PLCXD3: variants seen among roughly 807,000 people sequenced by gnomAD.
PLCXD3 encodes phosphatidylinositol specific phospholipase C X domain containing 3.
A neutral mutation model predicts 25.5 loss-of-function variants in PLCXD3; 19 were observed. The observed-to-expected ratio is 0.75, with a 90% CI of 0.52 to 1.09. The LOEUF (loss-of-function observed/expected upper bound fraction) is 1.09. Among genes scored for constraint, PLCXD3 ranks in the 50% least tolerant of loss-of-function variants. The pLI is 0.00. For synonymous variants in PLCXD3, 174 were observed against 137.6 expected (o/e 1.26, Z -1.85); for missense variants, 411 against 388.1 (o/e 1.06, Z -0.50).
At chr5:41,505,969 T>A (rs1749044994) in intron 1 of PLCXD3, among the ~76,000 whole-genome samples, 1 of 152,248 alleles carries the variant, frequency 6.6e-6, no homozygotes, top group South Asian at 2.1e-4. Flanking sequence ...GCCTCTGACA[T>A]TTACATAAAA....
At chr5:41,457,943 A>G (rs553831179) in intron 1 of PLCXD3, among the ~76,000 whole-genome samples, 4 of 152,042 alleles carry the variant, frequency 2.6e-5, no homozygotes, top group Admixed American at 6.6e-5. Flanking sequence ...GCTGCGTGTT[A>G]CTGGATGTGA....
chr5:41,329,805 T>C (rs1241938363), intron 2 of PLCXD3, among the ~76,000 whole-genome samples: 1 of 148,276 alleles, frequency 6.7e-6, no homozygotes, highest in East Asian at 2.0e-4. Flanking sequence ...TTTAATCTAT[T>C]TTATTATATA....
intron 1 of PLCXD3, among the ~76,000 whole-genome samples, chr5:41,415,160 A>G (rs1245788392): frequency 6.6e-6 from 1 of 152,248 alleles, no homozygotes; most frequent in African/African-American, 2.4e-5. Flanking sequence ...CCAAAGACAT[A>G]GATTATTTTT....
chr5:41,394,413 C>G (rs1001561981), intron 1 of PLCXD3, among the ~76,000 whole-genome samples: 2 of 151,922 alleles, frequency 1.3e-5, no homozygotes, highest in African/African-American at 2.4e-5. Context: ...TAAAGAAGAC[C>G]ATAAAACAAT....
chr5:41,427,554 C>T (rs1336028335), intron 1 of PLCXD3, among the ~76,000 whole-genome samples: 1 of 152,136 alleles, frequency 6.6e-6, no homozygotes, highest in African/African-American at 2.4e-5. Flanking sequence ...GATGTTTTAT[C>T]TATTAATTCA....
chr5:41,330,292 C>A (rs1743757017), intron 2 of PLCXD3, among the ~76,000 whole-genome samples: 1 of 152,126 alleles, frequency 6.6e-6, no homozygotes, highest in African/African-American at 2.4e-5. Flanking sequence ...GAAATACAAA[C>A]TACCATCAGA....
At chr5:41,405,455 T>C (rs1401194595) in intron 1 of PLCXD3, among the ~76,000 whole-genome samples, 1 of 152,166 alleles carries the variant, frequency 6.6e-6, no homozygotes, top group East Asian at 1.9e-4. Context: ...TAATTATTGT[T>C]GGATGTTATT....
chr5:41,391,040 T>C (rs895278048), intron 1 of PLCXD3, among the ~76,000 whole-genome samples: 4 of 152,148 alleles, frequency 2.6e-5, no homozygotes, highest in Non-Finnish European at 5.9e-5. Flanking sequence ...AGAGGGAGAA[T>C]TGCAGATCCC....
At chr5:41,422,363 T>G (rs1398538867) in intron 1 of PLCXD3, among the ~76,000 whole-genome samples, 3 of 152,210 alleles carry the variant, frequency 2.0e-5, no homozygotes, top group Non-Finnish European at 4.4e-5. Flanking sequence ...GGGTTTAATC[T>G]TACCTTTGAC....
In PLCXD3 at chr5:41,410,201, G is replaced by T. The variant is rs1047324491; in HGVS notation, c.104-27667C>A. Among the ~76,000 whole-genome samples, 5 of 147,516 alleles carry T rather than the reference G, an allele frequency of 3.4e-5. No individual in the cohort carries two copies. The East Asian group carries it at 9.9e-4, about 29-fold the overall frequency. ...GTTGCCCAGGCTGGAGTACAGTGGCGTGATCTCGGCTCACTGCAGCCTCCG... is the reference window on the plus strand; with the variant it reads ...GTTGCCCAGGCTGGAGTACAGTGGCTTGATCTCGGCTCACTGCAGCCTCCG... On this transcript the variant is annotated intron_variant, in intron 1 of 2. Coordinates refer to ENST00000377801, the MANE Select transcript of PLCXD3 (RefSeq NM_001005473.3).
chr5:41,315,150 A>G (rs1561228829), intron 2 of PLCXD3, among the ~76,000 whole-genome samples: 2 of 152,202 alleles, frequency 1.3e-5, no homozygotes, highest in Admixed American at 6.5e-5. Flanking sequence ...GATGTCCAGC[A>G]TCTTCTGACA....
chr5:41,376,113 C>T (rs1394024717), intron 2 of PLCXD3, among the ~76,000 whole-genome samples: 1 of 152,078 alleles, frequency 6.6e-6, no homozygotes, highest in Non-Finnish European at 1.5e-5. Context: ...ACAACCACAT[C>T]CTGAAAATTC....
At chr5:41,450,542 AG>A (rs1197381069) in intron 1 of PLCXD3, among the ~76,000 whole-genome samples, 1 of 152,126 alleles carries the variant, frequency 6.6e-6, no homozygotes. Flanking sequence ...CAATGCTGAT[AG>A]AAGCAGCTTG....
intron 1 of PLCXD3, among the ~76,000 whole-genome samples, chr5:41,453,318 G>C (rs318077): frequency 6.6e-6 from 1 of 151,262 alleles, no homozygotes; most frequent in African/African-American, 2.4e-5. Context: ...ACTATTGGCT[G>C]TATGTTTTGC....
chr5:41,465,540 G>C (rs1211263188), intron 1 of PLCXD3, among the ~76,000 whole-genome samples: 2 of 151,606 alleles, frequency 1.3e-5, no homozygotes, highest in Non-Finnish European at 2.9e-5. Context: ...GCATTCTCTT[G>C]AATCAGAAGC....
chr5:41,353,873 C>G (rs1744542489), intron 2 of PLCXD3, among the ~76,000 whole-genome samples: 1 of 152,128 alleles, frequency 6.6e-6, no homozygotes. Flanking sequence ...TCTGAATTTT[C>G]TACTGAACTA....
intron 1 of PLCXD3, among the ~76,000 whole-genome samples, chr5:41,421,614 T>A (rs1381753292): frequency 2.0e-5 from 3 of 152,122 alleles, no homozygotes; most frequent in Non-Finnish European, 4.4e-5. Context: ...GGCAGGAGAA[T>A]GGCGTGAACC....
chr5:41,509,781 G>A (rs1227439705), intron 1 of PLCXD3, among the ~76,000 whole-genome samples: 1 of 152,168 alleles, frequency 6.6e-6, no homozygotes, highest in African/African-American at 2.4e-5. Context: ...GCGGCCACTC[G>A]GCCAGGTCCC....
chr5:41,484,228 TTAAGATCCTGGAACATGCACA>T (rs1748470176), intron 1 of PLCXD3, among the ~76,000 whole-genome samples: 1 of 150,472 alleles, frequency 6.6e-6, no homozygotes, highest in Admixed American at 6.6e-5. Flanking sequence ...AGTCTGTGAC[TTAAGATCCTGGAACATGCACA>T]CACACACACA....
Sources: gnomAD v4.1 joint callset for allele counts (sites outside exome capture counted in the v4.1 genomes callset) on GRCh38, gnomAD v4.1.1 for gene constraint, MANE v1.5 for transcripts, NCBI Gene and HGNC (gene_info 2026-07-23, HGNC 2026-07-21) for gene names.